Variants in UGT1A8 observed in about 807,000 individuals in gnomAD.
UGT1A8 encodes the protein UDP glucuronosyltransferase family 1 member A8.
A neutral mutation model predicts 45.3 loss-of-function variants in UGT1A8; 39 were observed. The observed-to-expected ratio is 0.86, with a 90% CI of 0.67 to 1.12. The LOEUF is 1.12. Ranked by LOEUF, UGT1A8 falls within the 50% of genes most tolerant of loss-of-function variation. The pLI, the probability that UGT1A8 is intolerant of heterozygous loss-of-function variation, is 0.00. For synonymous variants in UGT1A8, 275 were observed against 249.2 expected, an observed-to-expected ratio of 1.10 and a Z score of -0.97; for missense variants, 719 against 664.9, an observed-to-expected ratio of 1.08 and a Z score of -0.90.
chr2:233,768,242 TATCACCC>T lies in UGT1A8; in HGVS notation c.1101_1107del (p.Ile367MetfsTer18), dbSNP rs1699593680. On this transcript the variant is annotated frameshift_variant, in exon 4 of 5. Transcript: ENST00000373450. LOFTEE classifies it high-confidence loss of function. ...CAGGTCACCCGATGACCCGTGCCTT[TATCACCC>T]ATGCTGGTTCCCATGGTGTTTATGA... 2 of 1,614,112 alleles carry T rather than the reference TATCACCC, an allele frequency of 1.2e-6. No individual in the cohort carries two copies. The highest frequency in any genetic ancestry group is 1.7e-5 in the Admixed American group (1 of 60,004).
chr2:233,769,856 T>TAAA lies in UGT1A8; in HGVS notation c.1295+1417_1295+1418insAAA. ...CTGGGCAACAGAGTGAGACCCTGTCTCAAAAAAAAAAAAAAAAATGAAAAG... is the reference window on the plus strand; with the variant it reads ...CTGGGCAACAGAGTGAGACCCTGTCTAAACAAAAAAAAAAAAAAAAATGAAAAG... On this transcript the variant is annotated intron_variant, in intron 4 of 4. Transcript: ENST00000373450. This position sits in a 1 kb window ranked among gnomAD's most constrained non-coding sequence, Gnocchi z 4.4. 1 of 322,430 alleles carries TAAA rather than the reference T, an allele frequency of 3.1e-6. No individual in the cohort carries two copies. The highest frequency in any genetic ancestry group is 5.0e-6 in the Non-Finnish European group (1 of 199,342). 20.0% of individuals were successfully genotyped at this position (322,430 alleles called of 1,614,324 possible).
At chr2:233,683,914 A>G (rs2074656388) in intron 1 of UGT1A8, among the ~76,000 whole-genome samples, 1 of 152,210 alleles carries the variant, frequency 6.6e-6, no homozygotes, top group Non-Finnish European at 1.5e-5. Context: ...CGGAGCATAT[A>G]GTTCCAAAAT....
intron 1 of UGT1A8, among the ~76,000 whole-genome samples, chr2:233,736,484 A>T (rs1388526766): frequency 6.6e-6 from 1 of 152,156 alleles, no homozygotes; most frequent in Admixed American, 6.5e-5. Context: ...GAGGTTTGTT[A>T]CTACCAAACT....
chr2:233,752,847 A>C (rs1252913320), intron 1 of UGT1A8, among the ~76,000 whole-genome samples: 1 of 152,248 alleles, frequency 6.6e-6, no homozygotes, highest in East Asian at 1.9e-4. Context: ...GATATATCAA[A>C]ATTTGAACTT....
intron 1 of UGT1A8, among the ~76,000 whole-genome samples, chr2:233,722,821 T>C (rs1575543414): frequency 6.6e-6 from 1 of 151,782 alleles, no homozygotes; most frequent in African/African-American, 2.4e-5. Flanking sequence ...TTTCAAGTTA[T>C]TTTGTATTAT....
chr2:233,679,944 G>A (rs772654024), intron 1 of UGT1A8, among the ~76,000 whole-genome samples: 13 of 152,100 alleles, frequency 8.5e-5, no homozygotes, highest in South Asian at 2.1e-4. Flanking sequence ...AAAAAGATGC[G>A]AGGTTTGGCT....
At chr2:233,643,557 G>T (rs1181054290) in intron 1 of UGT1A8, among the ~76,000 whole-genome samples, 3 of 151,968 alleles carry the variant, frequency 2.0e-5, no homozygotes, top group Non-Finnish European at 4.4e-5. Context: ...CAGCAGTGTT[G>T]GTACCTAAGT....
intron 1 of UGT1A8, chr2:233,743,573 A>C (rs765598613): frequency 7.3e-7 from 1 of 1,367,260 alleles, no homozygotes; most frequent in Non-Finnish European, 9.8e-7. Context: ...CGGGTTTCCC[A>C]AGAGGTCAAA....
At chr2:233,705,268 G>T (rs545521237) in intron 1 of UGT1A8, among the ~76,000 whole-genome samples, 50 of 152,210 alleles carry the variant, frequency 3.3e-4, no homozygotes, top group African/African-American at 1.1e-3. Flanking sequence ...GGGGTCACTT[G>T]CTTTCAACCT....
chr2:233,768,054 A>T (rs1384127703), intron 3 of UGT1A8, 118 bp downstream of exon 3: 6 of 1,603,138 alleles, frequency 3.7e-6, no homozygotes, highest in Non-Finnish European at 5.1e-6. Context: ...CATATCCTAC[A>T]TTGCTTTTTA....
At chr2:233,643,657 A>G (rs1461135706) in intron 1 of UGT1A8, among the ~76,000 whole-genome samples, 1 of 152,154 alleles carries the variant, frequency 6.6e-6, no homozygotes, top group African/African-American at 2.4e-5. Flanking sequence ...GAATGTGCTG[A>G]ATCTCACCTA....
chr2:233,725,558 C>A (rs1559370859), intron 1 of UGT1A8, among the ~76,000 whole-genome samples: 1 of 152,094 alleles, frequency 6.6e-6, no homozygotes, highest in Non-Finnish European at 1.5e-5. Context: ...ATCCTTTCAA[C>A]ATATATTCGA....
At chr2:233,681,749 C>G (rs2074537294) in intron 1 of UGT1A8, 1 of 812,330 alleles carries the variant, frequency 1.2e-6, no homozygotes, top group Non-Finnish European at 1.5e-6. Context: ...AACATATAAG[C>G]AGGTATCTCA....
intron 1 of UGT1A8, among the ~76,000 whole-genome samples, chr2:233,626,408 T>C (rs1220178449): frequency 6.6e-6 from 1 of 152,080 alleles, no homozygotes; most frequent in Non-Finnish European, 1.5e-5. Context: ...TCCTCGAGTG[T>C]GGTGTCTATT....
At chr2:233,625,660 G>T (rs1280616844) in intron 1 of UGT1A8, among the ~76,000 whole-genome samples, 1 of 151,720 alleles carries the variant, frequency 6.6e-6, no homozygotes, top group African/African-American at 2.4e-5. Context: ...GCAGCTGGAG[G>T]TCATTATCCT....
intron 1 of UGT1A8, among the ~76,000 whole-genome samples, chr2:233,759,599 A>ACCCCCCCCCCCCC (rs1553620419): frequency 1.6e-4 from 17 of 108,720 alleles, no homozygotes; most frequent in African/African-American, 3.6e-4. Context: ...CCCACCCCCG[A>ACCCCCCCCCCCCC]CCCGCCCCAC....
At chr2:233,760,188 CG>C (rs1250855848) in intron 1 of UGT1A8, 1 of 1,563,540 alleles carries the variant, frequency 6.4e-7, no homozygotes, top group Non-Finnish European at 8.6e-7. Context: ...TTTATAGTCA[CG>C]TGACACAGTC....
rs1375578843 is a variant in UGT1A8, at chr2:233,769,338, C to A, written c.1295+899C>A. Among the ~76,000 whole-genome samples the A allele has an allele frequency of 6.6e-6, 1 of 152,184 alleles. No individual in the cohort carries two copies. Among genetic ancestry groups the A allele is most frequent in the East Asian group, 1.9e-4 (1 of 5,204 alleles). On this transcript the variant is annotated intron_variant, in intron 4 of 4. Transcript: ENST00000373450. The surrounding 1 kb of genome is among the most constrained non-coding windows in gnomAD (Gnocchi z 4.4). ...CTCACTGGTAATAGGCTTATTAGAA[C>A]CTTATGGGAAGAAGTGGTGGCCAGT...
chr2:233,714,781 C>T (rs2076411817), intron 1 of UGT1A8, among the ~76,000 whole-genome samples: 1 of 152,136 alleles, frequency 6.6e-6, no homozygotes, highest in Non-Finnish European at 1.5e-5. Flanking sequence ...TTTGGAATAG[C>T]CACATTTCAA....
Sources: gnomAD v4.1 joint callset for allele counts (sites outside exome capture counted in the v4.1 genomes callset) on GRCh38, gnomAD v4.1.1 for gene constraint, Gnocchi (gnomAD v3.1) non-coding constraint, MANE v1.5 for transcripts, NCBI Gene and HGNC (gene_info 2026-07-23, HGNC 2026-07-21) for gene names.